IL13RA1: variants seen among roughly 807,000 people sequenced by gnomAD.
IL13RA1 encodes the protein interleukin-13 receptor subunit alpha-1.
In IL13RA1, 14 loss-of-function variants were observed where a neutral mutation model predicts 33.8. The ratio of observed to expected loss-of-function variants is 0.41; its 90% CI spans 0.27 to 0.65. IL13RA1 has a LOEUF of 0.65. IL13RA1 is among the 30% of genes least tolerant of loss of function. IL13RA1 has a pLI of 0.28. For missense variants in IL13RA1, 313 were observed against 327.0 expected (o/e 0.96, Z 0.33); for synonymous variants, 116 against 115.7 (o/e 1.00, Z -0.02).
chrX:118,785,657 G>T (rs1258984694), intron 10 of IL13RA1, among the ~76,000 whole-genome samples: 2 of 110,532 alleles, frequency 1.8e-5, no homozygotes, highest in Non-Finnish European at 3.8e-5. Flanking sequence ...TGCAAACTCC[G>T]CCTCCCAGGT....
chrX:118,758,368 G>A (rs917422500), intron 5 of IL13RA1, 126 bp downstream of exon 5: 1 of 362,877 alleles, frequency 2.8e-6, no homozygotes, highest in Non-Finnish European at 4.9e-6. Flanking sequence ...GGACTATATT[G>A]ATGTATAACT....
chrX:118,744,390 T>A (rs1286712520), intron 2 of IL13RA1, among the ~76,000 whole-genome samples: 1 of 111,677 alleles, frequency 9.0e-6, no homozygotes, highest in African/African-American at 3.3e-5. Context: ...TACTAAGGCA[T>A]TTTTTAATTT....
intron 3 of IL13RA1, among the ~76,000 whole-genome samples, chrX:118,747,385 G>A (rs748736352): frequency 1.8e-5 from 2 of 108,515 alleles, no homozygotes; most frequent in Non-Finnish European, 3.8e-5. Flanking sequence ...ACACACACAC[G>A]CACACCCCTC....
At chrX:118,775,892 A>C (rs1410657200) in intron 9 of IL13RA1, among the ~76,000 whole-genome samples, 1 of 111,599 alleles carries the variant, frequency 9.0e-6, no homozygotes, top group South Asian at 3.8e-4. Flanking sequence ...CTGAAGATCT[A>C]ATTTTGGGAA....
intron 2 of IL13RA1, among the ~76,000 whole-genome samples, chrX:118,746,471 A>C (rs1310260903): frequency 8.9e-6 from 1 of 112,227 alleles, no homozygotes; most frequent in Admixed American, 9.5e-5. Flanking sequence ...GGTACAGTGC[A>C]TCTACTTCTA....
At chrX:118,785,868 C>A (rs1402504805) in intron 10 of IL13RA1, among the ~76,000 whole-genome samples, 1 of 111,903 alleles carries the variant, frequency 8.9e-6, no homozygotes, top group East Asian at 2.8e-4. Context: ...CTGCGCCCAG[C>A]CTTCTTTTAC....
At chrX:118,764,861 C>A (rs1427842748) in intron 6 of IL13RA1, among the ~76,000 whole-genome samples, 5 of 111,648 alleles carry the variant, frequency 4.5e-5, no homozygotes, top group Non-Finnish European at 9.4e-5. Flanking sequence ...GTTTCTCGCT[C>A]CCTGTCTCTT....
intron 4 of IL13RA1, among the ~76,000 whole-genome samples, chrX:118,754,906 C>G (rs772522936): frequency 1.8e-4 from 20 of 108,893 alleles, no homozygotes; most frequent in African/African-American, 6.7e-4. Context: ...ACTGTTTTCC[C>G]TAACCCCCAA....
At chrX:118,747,401 G>C (rs980268339) in intron 3 of IL13RA1, among the ~76,000 whole-genome samples, 1 of 109,591 alleles carries the variant, frequency 9.1e-6, no homozygotes, top group Admixed American at 9.8e-5. Flanking sequence ...CCCTCCTTTA[G>C]ATCGAGAGTC....
chrX:118,759,428 T>C (rs1010922495), intron 5 of IL13RA1, among the ~76,000 whole-genome samples: 1 of 112,365 alleles, frequency 8.9e-6, no homozygotes, highest in Non-Finnish European at 1.9e-5. Flanking sequence ...GAGCTCAGAT[T>C]CTGGCTTAGA....
intron 1 of IL13RA1, among the ~76,000 whole-genome samples, chrX:118,739,478 T>C (rs1303995448): frequency 8.9e-6 from 1 of 112,429 alleles, no homozygotes; most frequent in African/African-American, 3.2e-5. Flanking sequence ...TATCATTTGG[T>C]AAATTACTAT....
intron 1 of IL13RA1, among the ~76,000 whole-genome samples, chrX:118,736,136 A>G (rs111616433): frequency 1.6e-4 from 18 of 110,504 alleles, no homozygotes; most frequent in African/African-American, 3.9e-4. Flanking sequence ...TAGGTTTTCT[A>G]TCTCTTTATT....
At chrX:118,785,984 A>T (rs2017912460) in intron 10 of IL13RA1, among the ~76,000 whole-genome samples, 1 of 111,978 alleles carries the variant, frequency 8.9e-6, no homozygotes, top group Admixed American at 9.5e-5. Context: ...GTAACTTTTT[A>T]AATATACTTC....
At chrX:118,795,038 C>T (rs1012302392), downstream of IL13RA1, among the ~76,000 whole-genome samples, 20 of 108,875 alleles carry the variant, frequency 1.8e-4, no homozygotes, top group African/African-American at 6.4e-4. Context: ...CTGGCTAACA[C>T]GGTGAAACCC....
intron 1 of IL13RA1, among the ~76,000 whole-genome samples, chrX:118,727,973 C>T (rs1368479127): frequency 9.0e-6 from 1 of 111,348 alleles, no homozygotes; most frequent in African/African-American, 3.3e-5. Flanking sequence ...CCGGGTGCGG[C>T]GGAGGTGGCG....
chrX:118,800,709 A>G, the IL13RA1 span, among the ~76,000 whole-genome samples: 4 of 111,224 alleles, frequency 3.6e-5, no homozygotes, highest in Admixed American at 3.8e-4. Context: ...GGCTGAAGTG[A>G]TCATCCCACC....
At chrX:118,728,492 TAATC>T (rs1042850482) in intron 1 of IL13RA1, among the ~76,000 whole-genome samples, 2 of 112,181 alleles carry the variant, frequency 1.8e-5, no homozygotes, top group African/African-American at 6.5e-5. Context: ...AACTTCTAGT[TAATC>T]AACCTGGCAG....
chrX:118,743,382 T>C (rs2017366962), intron 2 of IL13RA1, among the ~76,000 whole-genome samples: 1 of 111,712 alleles, frequency 9.0e-6, no homozygotes, highest in East Asian at 2.8e-4. Context: ...AATCTTAAGA[T>C]TGGAGGCTCA....
At chrX:118,776,820 C>T (rs1296207795) in intron 10 of IL13RA1, among the ~76,000 whole-genome samples, 2 of 107,057 alleles carry the variant, frequency 1.9e-5, no homozygotes, top group Non-Finnish European at 3.9e-5. Context: ...AAAAATTAGC[C>T]GGGTGCAGCG....
Sources: gnomAD v4.1 joint callset for allele counts (sites outside exome capture counted in the v4.1 genomes callset) on GRCh38, gnomAD v4.1.1 for gene constraint, MANE v1.5 for transcripts, NCBI Gene and HGNC (gene_info 2026-07-23, HGNC 2026-07-21) for gene names.